The following LARGE1 variants were observed in gnomAD, a reference collection of about 807,000 sequenced individuals.
The protein encoded by LARGE1 is LARGE xylosyl- and glucuronyltransferase 1.
LARGE1 carries 43 observed loss-of-function variants against 87.6 expected under a neutral mutation model. The ratio of observed to expected loss-of-function variants is 0.49; its 90% CI spans 0.38 to 0.63. LARGE1 has a LOEUF of 0.63. LARGE1 is among the 30% of genes least tolerant of loss of function. The probability of loss-of-function intolerance (pLI) is 0.00; values close to 1 mark genes in which losing one functional copy is unlikely to be tolerated. For synonymous variants in LARGE1, 434 were observed against 394.6 expected (o/e 1.10, Z -1.18); for missense variants, 802 against 1,000.2 (o/e 0.80, Z 2.67).
chr22:33,717,854 G>C (rs1569400556), intron 2 of LARGE1, among the ~76,000 whole-genome samples: 2 of 152,170 alleles, frequency 1.3e-5, no homozygotes, highest in East Asian at 1.9e-4. Flanking sequence ...CCATGAGCCA[G>C]AGTGTCCACT....
At chr22:33,816,689 T>TAGATAGACAGACAGAC (rs1230056474) in intron 1 of LARGE1, among the ~76,000 whole-genome samples, 4 of 132,480 alleles carry the variant, frequency 3.0e-5, no homozygotes, top group African/African-American at 8.0e-5. Flanking sequence ...GATAGATAGA[T>TAGATAGACAGACAGAC]AGACAGACAG....
chr22:33,748,267 G>A (rs184121656), intron 2 of LARGE1, among the ~76,000 whole-genome samples: 288 of 151,874 alleles, frequency 1.9e-3, no homozygotes, highest in Middle Eastern at 0.017. Context: ...GAGTAGCTGG[G>A]ATTACAGGTG....
chr22:33,624,900 A>G (rs751950945), intron 4 of LARGE1, among the ~76,000 whole-genome samples: 52 of 152,176 alleles, frequency 3.4e-4, no homozygotes, highest in Non-Finnish European at 8.8e-5. Context: ...GAGAAAGTGA[A>G]AACTATCTCA....
intron 11 of LARGE1, among the ~76,000 whole-genome samples, chr22:33,259,670 T>C (rs140934601): frequency 1.3e-5 from 2 of 152,356 alleles, no homozygotes; most frequent in East Asian, 3.9e-4. Flanking sequence ...CTTGCTGTCA[T>C]GATGCTGAAA....
intron 2 of LARGE1, among the ~76,000 whole-genome samples, chr22:33,685,851 T>C (rs1007870041): frequency 6.6e-6 from 1 of 152,180 alleles, no homozygotes; most frequent in Non-Finnish European, 1.5e-5. Context: ...GTAGAATGTG[T>C]GTCACACTCT....
chr22:33,359,815 C>T (rs1281003718), intron 9 of LARGE1, among the ~76,000 whole-genome samples: 3 of 149,258 alleles, frequency 2.0e-5, no homozygotes, highest in Non-Finnish European at 3.0e-5. Context: ...CTGCCCGCCT[C>T]GGCCTCCCAA....
chr22:33,789,521 G>A (rs1166162695), intron 1 of LARGE1, among the ~76,000 whole-genome samples: 1 of 152,164 alleles, frequency 6.6e-6, no homozygotes, highest in Non-Finnish European at 1.5e-5. Flanking sequence ...CCCTAGAATG[G>A]TAGATCCAGC....
intron 7 of LARGE1, among the ~76,000 whole-genome samples, chr22:33,429,005 G>T (rs181439740): frequency 6.7e-6 from 1 of 150,224 alleles, no homozygotes; most frequent in East Asian, 2.0e-4. Flanking sequence ...TGGCCAAGTT[G>T]CATAAGAAGA....
chr22:33,910,738 G>A (rs2065610858), intron 1 of LARGE1, among the ~76,000 whole-genome samples: 1 of 152,204 alleles, frequency 6.6e-6, no homozygotes, highest in Admixed American at 6.5e-5. Flanking sequence ...ATTTCAGCCA[G>A]AGACAAGAGA....
intron 2 of LARGE1, among the ~76,000 whole-genome samples, chr22:33,755,317 C>T (rs1218816322): frequency 6.6e-6 from 1 of 152,162 alleles, no homozygotes; most frequent in Non-Finnish European, 1.5e-5. Context: ...GACTTCACAT[C>T]CTCTGAAGAC....
chr22:33,201,080 T>C lies in LARGE1; in HGVS notation c.1731-34248A>G, dbSNP rs564274523. Among the ~76,000 whole-genome samples the C allele has an allele frequency of 2.0e-5, 3 of 152,110 alleles. No individual in the cohort carries two copies. The South Asian group carries it at 6.2e-4, about 32-fold the overall frequency. Reference sequence around the variant, plus strand: ...TTCCAGCACTTTGGGAGGCCGAGGCTGGGGGATCACTTGAGGTCAGGAGTT... The same window carrying C: ...TTCCAGCACTTTGGGAGGCCGAGGCCGGGGGATCACTTGAGGTCAGGAGTT... On this transcript the variant is annotated intron_variant, in intron 11 of 11. Transcript: ENST00000608642.
chr22:33,901,592 G>A (rs958654259), intron 1 of LARGE1, among the ~76,000 whole-genome samples: 1 of 152,120 alleles, frequency 6.6e-6, no homozygotes, highest in African/African-American at 2.4e-5. Context: ...AATCGCTTAA[G>A]CCCAGGAGTT....
intron 1 of LARGE1, among the ~76,000 whole-genome samples, chr22:33,911,023 G>A (rs971271404): frequency 2.6e-5 from 4 of 152,220 alleles, no homozygotes; most frequent in African/African-American, 9.6e-5. Flanking sequence ...CCACATCTGT[G>A]AAGTGGGAGA....
At chr22:33,330,949 T>C (rs140731665) in intron 10 of LARGE1, among the ~76,000 whole-genome samples, 160 of 152,334 alleles carry the variant, frequency 1.1e-3, no homozygotes, top group Non-Finnish European at 1.9e-3. Context: ...TTAGAGCAAA[T>C]GTGACACCCT....
At chr22:33,748,575 C>T (rs12170901) in intron 2 of LARGE1, among the ~76,000 whole-genome samples, 17,009 of 152,116 alleles carry the variant, frequency 0.11, 3,084 homozygotes, top group African/African-American at 0.38. Flanking sequence ...CCCCAATTTA[C>T]GCAGAGTCAA....
intron 11 of LARGE1, among the ~76,000 whole-genome samples, chr22:33,314,928 G>C (rs1404277929): frequency 6.6e-6 from 1 of 152,140 alleles, no homozygotes; most frequent in Admixed American, 6.5e-5. Flanking sequence ...ATATAAATTG[G>C]GATAGGTGCA....
chr22:33,607,574 G>A (rs1234304161), intron 4 of LARGE1, among the ~76,000 whole-genome samples: 1 of 151,908 alleles, frequency 6.6e-6, no homozygotes, highest in Non-Finnish European at 1.5e-5. Context: ...AGAGGGAGGA[G>A]CAGAAGGCAA....
At chr22:33,781,594 C>T (rs958176848) in intron 1 of LARGE1, among the ~76,000 whole-genome samples, 3 of 152,298 alleles carry the variant, frequency 2.0e-5, no homozygotes, top group Admixed American at 6.5e-5. Flanking sequence ...ACCAAGGCAG[C>T]TTCCAGCTGT....
chr22:33,770,749 TA>T (rs1271256582), intron 1 of LARGE1, among the ~76,000 whole-genome samples: 5 of 151,856 alleles, frequency 3.3e-5, no homozygotes, highest in African/African-American at 4.8e-5. Context: ...TACTGCAGAT[TA>T]AAAAAAAATT....
Sources: gnomAD v4.1 joint callset for allele counts (sites outside exome capture counted in the v4.1 genomes callset) on GRCh38, gnomAD v4.1.1 for gene constraint, MANE v1.5 for transcripts, NCBI Gene and HGNC (gene_info 2026-07-23, HGNC 2026-07-21) for gene names.